ENKUR: variants seen among roughly 807,000 people sequenced by gnomAD.
The protein encoded by ENKUR is enkurin, TRPC channel interacting protein.
In ENKUR, 19 loss-of-function variants were observed where a neutral mutation model predicts 27.6. That is an observed-to-expected ratio of 0.69 (90% CI 0.48 to 1.01). ENKUR has a LOEUF of 1.01. Among genes scored for constraint, ENKUR ranks in the 50% least tolerant of loss-of-function variants. ENKUR has a pLI of 0.00. For synonymous variants in ENKUR, 117 were observed against 96.9 expected (o/e 1.21, Z -1.22); for missense variants, 312 against 310.5 (o/e 1.00, Z -0.04).
rs1242749935 is a variant in ENKUR, at chr10:24,982,685, T to A, written c.*1685A>T. 2 of 152,196 alleles carry A rather than the reference T, an allele frequency of 1.3e-5. No individual in the cohort carries two copies. Among genetic ancestry groups the A allele is most frequent in the Non-Finnish European group, 2.9e-5 (2 of 68,054 alleles). The allele number at this position is 152,196 out of a possible 1,614,324, so 9.4% of individuals were successfully genotyped here. ...TGTATGTGTATGGATTGGGGGAGGT[T>A]GAACTGGCTCTATCCAAGTTTGGGA... is the stretch of plus-strand genomic sequence containing the variant. On this transcript the variant is annotated 3_prime_UTR_variant, in exon 6 of 6. Coordinates refer to ENST00000331161, the MANE Select transcript of ENKUR (RefSeq NM_145010.4).
chr10:25,001,361 C>T (rs1243229204), intron 1 of ENKUR, among the ~76,000 whole-genome samples: 1 of 149,608 alleles, frequency 6.7e-6, no homozygotes, highest in African/African-American at 2.5e-5. Flanking sequence ...ATGGTAATGT[C>T]TCTTGGTATT....
intron 2 of ENKUR, among the ~76,000 whole-genome samples, chr10:25,060,121 C>T (rs920052438): frequency 2.0e-5 from 3 of 152,048 alleles, no homozygotes; most frequent in African/African-American, 4.8e-5. Flanking sequence ...CCTGTGAAGC[C>T]GACCTGTCTG....
At chr10:25,029,311 C>T (rs962035548) in intron 2 of ENKUR, among the ~76,000 whole-genome samples, 4 of 151,398 alleles carry the variant, frequency 2.6e-5, no homozygotes, top group African/African-American at 7.3e-5. Flanking sequence ...TTTAAATAGC[C>T]TAAATGTAGG....
intron 2 of ENKUR, among the ~76,000 whole-genome samples, chr10:25,044,225 G>T (rs981223788): frequency 6.6e-6 from 1 of 152,074 alleles, no homozygotes; most frequent in Admixed American, 6.6e-5. Context: ...TTCCATTCTA[G>T]CAGGCTGTTA....
intron 2 of ENKUR, chr10:25,025,340 A>G: frequency 6.2e-7 from 1 of 1,614,222 alleles, no homozygotes; most frequent in Non-Finnish European, 8.5e-7. Flanking sequence ...CCACTGCATG[A>G]GGCTTTATTA....
intron 2 of ENKUR, among the ~76,000 whole-genome samples, chr10:25,042,240 A>G (rs186241869): frequency 6.2e-4 from 95 of 152,044 alleles, no homozygotes; most frequent in African/African-American, 2.0e-3. Context: ...AACAGCATAT[A>G]GAAATTTTCT....
upstream of ENKUR, chr10:25,016,706 T>A (rs1435873841): frequency 6.6e-6 from 1 of 152,336 alleles, no homozygotes; most frequent in Non-Finnish European, 1.5e-5. Context: ...CGGTGCTCCG[T>A]CTCCTGTGGA....
At chr10:24,995,578 G>T in intron 3 of ENKUR, 68 bp downstream of exon 3, 1 of 1,322,798 alleles carries the variant, frequency 7.6e-7, no homozygotes, top group Non-Finnish European at 1.1e-6. Flanking sequence ...TAACATAGAT[G>T]ATCATCATGA....
At chr10:25,017,188 C>T (rs1850617177), upstream of ENKUR, among the ~76,000 whole-genome samples, 1 of 152,190 alleles carries the variant, frequency 6.6e-6, no homozygotes, top group Admixed American at 6.5e-5. Context: ...TTTAAGTGGG[C>T]CTTTACGTTT....
intron 2 of ENKUR, chr10:25,061,052 C>A: frequency 2.1e-6 from 3 of 1,462,396 alleles, no homozygotes; most frequent in South Asian, 1.2e-5. Context: ...ATCTCTAAGG[C>A]CCCCTATTAG....
chr10:25,054,804 A>G (rs913373975), intron 2 of ENKUR, among the ~76,000 whole-genome samples: 1 of 150,880 alleles, frequency 6.6e-6, no homozygotes, highest in African/African-American at 2.4e-5. Context: ...AGCCCCCCTC[A>G]TAGCTGGGAC....
upstream of ENKUR, chr10:25,016,638 C>A (rs1273339706): frequency 1.3e-5 from 2 of 152,470 alleles, no homozygotes; most frequent in African/African-American, 4.8e-5. Context: ...CTGGCCGCCG[C>A]AGGCACAGGC....
chr10:24,993,679 A>G (rs1389587739), intron 3 of ENKUR, among the ~76,000 whole-genome samples: 1 of 152,234 alleles, frequency 6.6e-6, no homozygotes, highest in East Asian at 1.9e-4. Context: ...TAAGTCTTTC[A>G]TGAGCACTGA....
chr10:25,052,567 G>C (rs1461470111), intron 2 of ENKUR, among the ~76,000 whole-genome samples: 1 of 152,048 alleles, frequency 6.6e-6, no homozygotes, highest in Non-Finnish European at 1.5e-5. Context: ...AGCAGTTTGA[G>C]ACCAGCCTGG....
intron 2 of ENKUR, among the ~76,000 whole-genome samples, chr10:25,058,997 C>G (rs11014367): frequency 0.46 from 69,244 of 149,092 alleles, 17,541 homozygotes; most frequent in African/African-American, 0.67. Flanking sequence ...CAAACCCATT[C>G]CTCCAAGAAG....
At chr10:25,042,373 C>T (rs1208740175) in intron 2 of ENKUR, among the ~76,000 whole-genome samples, 2 of 151,676 alleles carry the variant, frequency 1.3e-5, no homozygotes, top group Middle Eastern at 3.2e-3. Flanking sequence ...CAGCTCACTG[C>T]AACCTCCGCC....
At chr10:25,016,377 A>T (rs1016569318), upstream of ENKUR, among the ~76,000 whole-genome samples, 2 of 152,198 alleles carry the variant, frequency 1.3e-5, no homozygotes, top group African/African-American at 4.8e-5. Context: ...AAAAAGAAAA[A>T]TCCTAGTAGA....
chr10:25,023,810 G>A, intron 2 of ENKUR: 1 of 1,614,196 alleles, frequency 6.2e-7, no homozygotes, highest in Non-Finnish European at 8.5e-7. Context: ...TATAAGAAGT[G>A]GTATGATGCT....
Position 25,016,083 on chromosome 10 carries a change from TA to T in ENKUR, c.-148del, listed in dbSNP as rs1024306467. On this transcript the variant is annotated 5_prime_UTR_variant, in exon 1 of 6. Transcript: ENST00000331161. Reference sequence around the variant, plus strand: ...TTCTCTCCTTCACATCGTCCCCCTTTAACCCCCTCTTAGCAGTCCTCTCTCG... The same window carrying T: ...TTCTCTCCTTCACATCGTCCCCCTTTACCCCCTCTTAGCAGTCCTCTCTCG... 1.6e-5 allele frequency: 22 copies of T among 1,383,698 alleles called. No homozygotes were observed. The African/African-American group carries it at 3.1e-4, about 19-fold the overall frequency. 85.7% of individuals were successfully genotyped at this position (1,383,698 alleles called of 1,614,324 possible). A position where few individuals can be genotyped will look rare whatever the true frequency, so the allele number is the denominator to read the frequency against.
Sources: gnomAD v4.1 joint callset for allele counts (sites outside exome capture counted in the v4.1 genomes callset) on GRCh38, gnomAD v4.1.1 for gene constraint, MANE v1.5 for transcripts, NCBI Gene and HGNC (gene_info 2026-07-23, HGNC 2026-07-21) for gene names.